Variants in CUEDC1 observed in about 807,000 individuals in gnomAD.
CUEDC1 encodes CUE domain containing 1, also known as CUE domain-containing protein 1.
In CUEDC1, 30 loss-of-function variants were observed where a neutral mutation model predicts 43.7. The observed-to-expected ratio is 0.69, with a 90% CI of 0.51 to 0.93. The LOEUF (loss-of-function observed/expected upper bound fraction) is 0.93. Among genes scored for constraint, CUEDC1 ranks in the 40% least tolerant of loss-of-function variants. The probability of loss-of-function intolerance (pLI) is 0.00; values close to 1 mark genes in which losing one functional copy is unlikely to be tolerated. For synonymous variants in CUEDC1, 223 were observed against 223.6 expected (o/e 1.00, Z 0.02); for missense variants, 486 against 549.0 (o/e 0.89, Z 1.15).
At chr17:57,880,752 G>A (rs1415848133) in intron 2 of CUEDC1, among the ~76,000 whole-genome samples, 6 of 152,146 alleles carry the variant, frequency 3.9e-5, no homozygotes, top group East Asian at 1.9e-4. Context: ...AATTACAGGC[G>A]TGCGCCACCA....
At chr17:57,876,162 G>A (rs941145674) in intron 3 of CUEDC1, among the ~76,000 whole-genome samples, 1 of 152,060 alleles carries the variant, frequency 6.6e-6, no homozygotes, top group Non-Finnish European at 1.5e-5. Context: ...TGATCGTGTC[G>A]CTCTCCAGGT....
At chr17:57,942,073 G>A (rs1464507316) in intron 1 of CUEDC1, among the ~76,000 whole-genome samples, 1 of 152,172 alleles carries the variant, frequency 6.6e-6, no homozygotes, top group East Asian at 1.9e-4. Flanking sequence ...GGGGACCCCA[G>A]GCTCGGCTCA....
intron 1 of CUEDC1, among the ~76,000 whole-genome samples, chr17:57,905,249 GACACACACACACACACACAC>G (rs761744709): frequency 3.9e-5 from 5 of 128,012 alleles, no homozygotes; most frequent in East Asian, 5.4e-4. Context: ...CTCTCTCTCT[GACACACACACACACACACAC>G]ACACACACAC....
chr17:57,865,586 C>G lies in CUEDC1; in HGVS notation c.*3+888G>C, dbSNP rs537660061. ...TAAACGGGGGCTGGAAAAGGGACAG[C>G]TGTCTTGGCCAACTCCTGGAGGAGG... On this transcript the variant is annotated intron_variant, in intron 10 of 10. Coordinates refer to ENST00000577830, the MANE Select transcript of CUEDC1 (RefSeq NM_001271875.2). 9.8e-5 allele frequency among the ~76,000 whole-genome samples: 15 copies of G among 152,318 alleles called. No individual in the cohort carries two copies. The East Asian group carries it at 2.9e-3, about 29-fold the overall frequency.
At chr17:57,951,819 G>A (rs569848582) in intron 1 of CUEDC1, among the ~76,000 whole-genome samples, 1 of 152,284 alleles carries the variant, frequency 6.6e-6, no homozygotes, top group South Asian at 2.1e-4. Context: ...CAATGCAAAT[G>A]AAATGGTCAC....
At position 57,885,236 on chromosome 17, in the gene CUEDC1, G is replaced by A. The variant is rs768629202; in HGVS notation, c.329C>T (p.Pro110Leu). ...CCCGGGCTGCGCCCCTACCTCCGGG[G>A]GGATGCTGTCCTCCGAGTCGGAGCT... ...EDSSDSEDSI[P>L]PEILERTLEP... Residue 110 changes from proline to leucine, a missense_variant, in exon 2 of 11, where the codon CCC becomes CTC. Coordinates refer to ENST00000577830, the MANE Select transcript of CUEDC1 (RefSeq NM_001271875.2). 53 of 1,576,040 alleles carry A rather than the reference G, an allele frequency of 3.4e-5. No individual in the cohort carries two copies. The highest frequency in any genetic ancestry group is 2.3e-4 in the Admixed American group (13 of 56,450).
At chr17:57,946,813 C>A (rs2074963906) in intron 1 of CUEDC1, among the ~76,000 whole-genome samples, 1 of 152,160 alleles carries the variant, frequency 6.6e-6, no homozygotes, top group Admixed American at 6.5e-5. Flanking sequence ...CTCCCTCCTG[C>A]TCATCATCAC....
At chr17:57,915,807 G>A (rs1473234628) in intron 1 of CUEDC1, among the ~76,000 whole-genome samples, 2 of 152,194 alleles carry the variant, frequency 1.3e-5, no homozygotes, top group African/African-American at 2.4e-5. Context: ...CTGGGAAGGC[G>A]GAACAAGCTG....
intron 1 of CUEDC1, among the ~76,000 whole-genome samples, chr17:57,929,798 C>T (rs1325813248): frequency 6.6e-6 from 1 of 152,072 alleles, no homozygotes; most frequent in East Asian, 1.9e-4. Flanking sequence ...CAGTCTGTCT[C>T]TCTCTCTCTT....
At chr17:57,939,873 G>A (rs540393095) in intron 1 of CUEDC1, among the ~76,000 whole-genome samples, 28 of 152,272 alleles carry the variant, frequency 1.8e-4, no homozygotes, top group East Asian at 5.8e-4. Context: ...CAGCAGCAGC[G>A]GCGTCCTGCA....
Position 57,954,521 on chromosome 17 carries a change from T to G in CUEDC1, c.-316+704A>C, listed in dbSNP as rs1348579864. 6.6e-6 allele frequency among the ~76,000 whole-genome samples: 1 copy of G among 151,756 alleles called. No individual in the cohort carries two copies. Among genetic ancestry groups the G allele is most frequent in the Non-Finnish European group, 1.5e-5 (1 of 67,954 alleles). ...GAGAAAAGGAAGAGGGAGGAATGAA[T>G]AAACGCTGACACCAGCCCCCCTTGG... On this transcript the variant is annotated intron_variant, in intron 1 of 10. Transcript: ENST00000577830. The surrounding 1 kb of genome is among the most constrained non-coding windows in gnomAD (Gnocchi z 4.3).
chr17:57,875,760 C>T (rs947986886), intron 3 of CUEDC1, among the ~76,000 whole-genome samples: 11 of 151,974 alleles, frequency 7.2e-5, no homozygotes, highest in African/African-American at 2.7e-4. Context: ...CCTCTGGACC[C>T]CAAAACTGCA....
rs146126257 is a variant in CUEDC1 at position 57,919,115 on chromosome 17, A to T, written c.-315-33236T>A. Among the ~76,000 whole-genome samples the T allele has an allele frequency of 2.6e-5, 4 of 152,202 alleles. No individual in the cohort carries two copies. The East Asian group carries it at 7.7e-4, about 29-fold the overall frequency. On this transcript the variant is annotated intron_variant, in intron 1 of 10. Transcript: ENST00000577830. ...TGATCCTCCTGCCCTGGCCTCCCAAACTGCTGAGATTACAGGTGTGAGCCC... is the reference window on the plus strand; with the variant it reads ...TGATCCTCCTGCCCTGGCCTCCCAATCTGCTGAGATTACAGGTGTGAGCCC...
intron 1 of CUEDC1, among the ~76,000 whole-genome samples, chr17:57,936,727 G>GC (rs1389924487): frequency 1.3e-5 from 2 of 152,094 alleles, no homozygotes; most frequent in Middle Eastern, 3.4e-3. Flanking sequence ...CCACTCTCCT[G>GC]CGCACTGCTC....
chr17:57,910,134 A>G (rs1394949027), intron 1 of CUEDC1, among the ~76,000 whole-genome samples: 6 of 152,124 alleles, frequency 3.9e-5, no homozygotes, highest in African/African-American at 1.4e-4. Flanking sequence ...GATCACAGGC[A>G]CACGCCACCA....
chr17:57,899,364 A>G (rs1211980915), intron 1 of CUEDC1, among the ~76,000 whole-genome samples: 1 of 152,182 alleles, frequency 6.6e-6, no homozygotes, highest in East Asian at 1.9e-4. Flanking sequence ...CCAGCTGCCC[A>G]GGTCCCCTCT....
At chr17:57,863,609 C>A (rs1345786043) in intron 10 of CUEDC1, among the ~76,000 whole-genome samples, 1 of 152,124 alleles carries the variant, frequency 6.6e-6, no homozygotes, top group Non-Finnish European at 1.5e-5. Context: ...CGTCATAGCT[C>A]AGGGGAGCTA....
chr17:57,936,827 T>TA (rs1450018425), intron 1 of CUEDC1, among the ~76,000 whole-genome samples: 1 of 124,368 alleles, frequency 8.0e-6, no homozygotes, highest in African/African-American at 2.9e-5. Context: ...TCATTCACAC[T>TA]TTTTTTTTTT....
chr17:57,867,131 A>G (rs2073970269), intron 9 of CUEDC1: 2 of 594,358 alleles, frequency 3.4e-6, no homozygotes, highest in Non-Finnish European at 6.1e-6. Flanking sequence ...CTACAGGTAC[A>G]CATCTAGGTG....
Sources: allele counts gnomAD v4.1 joint callset (sites outside exome capture counted in the v4.1 genomes callset), GRCh38; gene constraint gnomAD v4.1.1; non-coding constraint Gnocchi (gnomAD v3.1); transcripts MANE v1.5; gene names NCBI Gene and HGNC (gene_info 2026-07-23, HGNC 2026-07-21).